CFAP61: variants seen among roughly 807,000 people sequenced by gnomAD.
CFAP61 encodes cilia- and flagella-associated protein 61.
In CFAP61, 107 loss-of-function variants were observed where a neutral mutation model predicts 135.6. The observed-to-expected ratio is 0.79, with a 90% CI of 0.67 to 0.93. The LOEUF is 0.93. Ranked by LOEUF, CFAP61 falls within the 40% of genes least tolerant of loss-of-function variation. The pLI, the probability that CFAP61 is intolerant of heterozygous loss-of-function variation, is 0.00. For missense variants in CFAP61, 1,507 were observed against 1,556.2 expected, an observed-to-expected ratio of 0.97 and a Z score of 0.53; for synonymous variants, 575 against 578.5, an observed-to-expected ratio of 0.99 and a Z score of 0.09.
intron 25 of CFAP61, among the ~76,000 whole-genome samples, chr20:20,304,699 C>T (rs78750882): frequency 5.2e-4 from 79 of 152,098 alleles, no homozygotes; most frequent in African/African-American, 1.9e-3. Context: ...AATGCTCCTC[C>T]CTTCAGGACA....
chr20:20,311,023 C>T (rs1247263250), intron 25 of CFAP61, among the ~76,000 whole-genome samples: 1 of 152,172 alleles, frequency 6.6e-6, no homozygotes, highest in East Asian at 1.9e-4. Context: ...CCATGTAGAA[C>T]CTACACTGGA....
intron 15 of CFAP61, among the ~76,000 whole-genome samples, chr20:20,196,309 G>C (rs1569108949): frequency 6.6e-6 from 1 of 152,164 alleles, no homozygotes; most frequent in South Asian, 2.1e-4. Flanking sequence ...TCTCTGAGTT[G>C]ATAGCAGCCA....
chr20:20,181,233 CTT>C (rs1463487847), intron 13 of CFAP61, among the ~76,000 whole-genome samples: 4 of 141,814 alleles, frequency 2.8e-5, no homozygotes, highest in Non-Finnish European at 1.5e-5. Flanking sequence ...ATATATATAA[CTT>C]TTATGTGTAT....
intron 7 of CFAP61, among the ~76,000 whole-genome samples, chr20:20,094,927 C>CCTAAAA (rs2047456262): frequency 6.6e-6 from 1 of 152,190 alleles, no homozygotes. Flanking sequence ...CAATGGTGTG[C>CCTAAAA]TGGAGCCAGC....
At chr20:20,221,324 G>C (rs187510696) in intron 17 of CFAP61, 1 of 152,160 alleles carries the variant, frequency 6.6e-6, no homozygotes, top group Non-Finnish European at 1.5e-5. Context: ...CTCCCTTGCC[G>C]ATGTTTGTGT....
chr20:20,171,730 C>G (rs1180416878), intron 13 of CFAP61: 10 of 657,528 alleles, frequency 1.5e-5, no homozygotes, highest in Non-Finnish European at 2.8e-5. Flanking sequence ...ATTTTGCTAA[C>G]TGTGTTTCAA....
At chr20:20,068,699 A>G (rs951165734) in intron 2 of CFAP61, among the ~76,000 whole-genome samples, 2 of 152,170 alleles carry the variant, frequency 1.3e-5, no homozygotes, top group Non-Finnish European at 2.9e-5. Context: ...CACTTGCTAC[A>G]TGCAGGAAAA....
intron 17 of CFAP61, among the ~76,000 whole-genome samples, chr20:20,220,825 G>A (rs1012644760): frequency 1.1e-4 from 16 of 152,118 alleles, no homozygotes; most frequent in African/African-American, 3.1e-4. Flanking sequence ...TGTGTTTCCC[G>A]AACCTTTCAG....
chr20:20,150,644 G>A (rs1277286569), intron 9 of CFAP61, among the ~76,000 whole-genome samples: 2 of 152,102 alleles, frequency 1.3e-5, no homozygotes, highest in Non-Finnish European at 2.9e-5. Flanking sequence ...GACTCTCACA[G>A]AGCCTACTTC....
chr20:20,340,526 T>C (rs543111459), intron 25 of CFAP61, among the ~76,000 whole-genome samples: 10 of 152,166 alleles, frequency 6.6e-5, no homozygotes, highest in African/African-American at 2.4e-4. Context: ...ACTCCCTCTC[T>C]GAAGCAGACG....
intron 20 of CFAP61, among the ~76,000 whole-genome samples, chr20:20,258,900 G>T (rs563235981): frequency 5.4e-4 from 82 of 152,304 alleles, no homozygotes; most frequent in Middle Eastern, 3.4e-3. Context: ...TAGGTAGTTT[G>T]CCCAGGGTCA....
Position 20,289,005 on chromosome 20 carries a change from C to G in CFAP61, c.3124+69C>G, listed in dbSNP as rs1056958691. ...GGTATGGCTCAGCAGTCAGGCCAGT[C>G]CTCCAGGTTTCTCTTAGGCTTGGGG... On this transcript the variant is annotated intron_variant, in intron 23 of 26. Coordinates refer to ENST00000245957, the MANE Select transcript of CFAP61 (RefSeq NM_015585.4). 198 of 1,279,266 alleles carry G rather than the reference C, an allele frequency of 1.5e-4. 1 individual carries two copies. Among genetic ancestry groups the G allele is most frequent in the Non-Finnish European group, 2.0e-4 (180 of 922,706 alleles). 79.2% of individuals were successfully genotyped at this position (1,279,266 alleles called of 1,614,324 possible).
At chr20:20,345,198 A>G (rs1197690963) in intron 26 of CFAP61, among the ~76,000 whole-genome samples, 1 of 152,240 alleles carries the variant, frequency 6.6e-6, no homozygotes, top group African/African-American at 2.4e-5. Flanking sequence ...GTAGCACAAT[A>G]GGGTGACTAT....
At chr20:20,301,676 A>G (rs1204769764) in intron 25 of CFAP61, among the ~76,000 whole-genome samples, 2 of 152,188 alleles carry the variant, frequency 1.3e-5, no homozygotes, top group African/African-American at 4.8e-5. Flanking sequence ...TGAAATGCCA[A>G]TTCATGATAT....
rs1018386889 is a variant in CFAP61, at chr20:20,246,115, A to G, written c.2061-2A>G. On this transcript the variant is annotated splice_acceptor_variant, in intron 18 of 26. Coordinates refer to ENST00000245957, the MANE Select transcript of CFAP61 (RefSeq NM_015585.4). LOFTEE classifies it high-confidence loss of function. ...TTCTTTTTCATTTTTCTTTTTCTTT[A>G]GCTCTCACATGAAGTTTAATAATCT... 6.3e-7 allele frequency: 1 copy of G among 1,581,596 alleles called. No individual in the cohort carries two copies. Among genetic ancestry groups the G allele is most frequent in the Non-Finnish European group, 8.6e-7 (1 of 1,157,132 alleles).
chr20:20,138,701 G>T (rs1488073397), intron 8 of CFAP61, among the ~76,000 whole-genome samples: 1 of 152,188 alleles, frequency 6.6e-6, no homozygotes, highest in Non-Finnish European at 1.5e-5. Context: ...TCTTATGAAG[G>T]TGCTTTGTTG....
At position 20,070,893 on chromosome 20, in the gene CFAP61, G is replaced by A. The variant is rs373374235; in HGVS notation, c.183G>A (p.Lys61=). 104 of 1,613,928 alleles carry A rather than the reference G, an allele frequency of 6.4e-5. No individual in the cohort carries two copies. Among genetic ancestry groups the A allele is most frequent in the Non-Finnish European group, 8.3e-5 (98 of 1,179,962 alleles). Residue 61 remains lysine, a synonymous_variant, in exon 3 of 27, where the codon AAG becomes AAA. Transcript: ENST00000245957. The stretch of plus-strand genomic sequence containing the variant: ...TTGCTGTTACCCTCTGCAATGACAA[G>A]GAGGAGATCATGGCCCAGGCCACCT... ...ANLAVTLCND[K]EEIMAQATFL...
At chr20:20,092,168 TG>T (rs1298193511) in intron 7 of CFAP61, among the ~76,000 whole-genome samples, 2 of 152,268 alleles carry the variant, frequency 1.3e-5, no homozygotes, top group African/African-American at 4.8e-5. Context: ...ATTACAGTTT[TG>T]AATAGTACAG....
At chr20:20,119,657 T>C (rs2096861571) in intron 8 of CFAP61, among the ~76,000 whole-genome samples, 1 of 152,156 alleles carries the variant, frequency 6.6e-6, no homozygotes, top group African/African-American at 2.4e-5. Flanking sequence ...TTTAAACTTT[T>C]AAGTTCAGGG....
Sources: gnomAD v4.1 joint callset for allele counts (sites outside exome capture counted in the v4.1 genomes callset) on GRCh38, gnomAD v4.1.1 for gene constraint, MANE v1.5 for transcripts, NCBI Gene and HGNC (gene_info 2026-07-23, HGNC 2026-07-21) for gene names.